Variants in CC2D1A observed in about 807,000 individuals in gnomAD.
The protein encoded by CC2D1A is coiled-coil and C2 domain containing 1A.
In CC2D1A, 68 loss-of-function variants were observed where a neutral mutation model predicts 123.8. The ratio of observed to expected loss-of-function variants is 0.55; its 90% confidence interval spans 0.45 to 0.67. The LOEUF (loss-of-function observed/expected upper bound fraction) is 0.67. Ranked by LOEUF, CC2D1A falls within the 30% of genes least tolerant of loss-of-function variation. The probability of loss-of-function intolerance (pLI) is 0.00; values close to 1 mark genes in which losing one functional copy is unlikely to be tolerated. For synonymous variants in CC2D1A, 477 were observed against 528.0 expected, an observed-to-expected ratio of 0.90 and a Z score of 1.32; for missense variants, 1,185 against 1,290.3, an observed-to-expected ratio of 0.92 and a Z score of 1.25.
chr19:13,925,933 AAT>A (rs1210738190), intron 17 of CC2D1A, among the ~76,000 whole-genome samples: 4,376 of 90,802 alleles, frequency 0.048, 223 homozygotes, highest in East Asian at 0.092. Flanking sequence ...AAAAAAAAAA[AAT>A]ATATATATAT....
In CC2D1A at chr19:13,930,463, A is replaced by G; in HGVS notation, c.*68A>G. The stretch of plus-strand genomic sequence containing the variant: ...CCCCGATACCGGGAAGAGCCGACAC[A>G]GCCACGAACCAGACAAGCAGACAAT... On this transcript the variant is annotated 3_prime_UTR_variant, in exon 29 of 29. Coordinates refer to ENST00000318003, the MANE Select transcript of CC2D1A (RefSeq NM_017721.5). This position sits in a 1 kb window ranked among gnomAD's most constrained non-coding sequence, Gnocchi z 6.8. 6.7e-7 allele frequency: 1 copy of G among 1,488,148 alleles called. No homozygotes were observed. The highest frequency in any genetic ancestry group is 9.0e-7 in the Non-Finnish European group (1 of 1,110,374). The allele number at this position is 1,488,148 out of a possible 1,614,324, so 92.2% of individuals were successfully genotyped here.
chr19:13,928,288 C>A, intron 24 of CC2D1A, 100 bp downstream of exon 24: 1 of 1,014,260 alleles, frequency 9.9e-7, no homozygotes, highest in Non-Finnish European at 1.5e-6. Flanking sequence ...CCACGTCCCT[C>A]TCCTGCTGCA....
At position 13,922,104 on chromosome 19, in the gene CC2D1A, C is replaced by T. The variant is rs540478666; in HGVS notation, c.1641+1182C>T. Among the ~76,000 whole-genome samples the T allele has an allele frequency of 9.2e-5, 14 of 152,198 alleles. No homozygotes were observed. The South Asian group carries it at 1.0e-3, about 11-fold the overall frequency. Reference sequence around the variant, plus strand: ...GCAACCTCTACCTCCCAGGCTCAAGCGATTCTCCTGCCTTAGCCTCCCGAG... The same window carrying T: ...GCAACCTCTACCTCCCAGGCTCAAGTGATTCTCCTGCCTTAGCCTCCCGAG... On this transcript the variant is annotated intron_variant, in intron 14 of 28. Transcript: ENST00000318003.
Position 13,919,827 on chromosome 19 carries a change from C to G in CC2D1A, c.1232C>G (p.Pro411Arg), listed in dbSNP as rs769189689. ...AELPVPPGFPPIQGLEATKPT... is the reference protein window; with the variant it reads ...AELPVPPGFPRIQGLEATKPT... ...TCGACTGGCCACCCAGGCTTCCCCC[C>G]AATCCAGGGCCTGGAGGCCACCAAG... Residue 411 changes from proline (P) to arginine (R), a missense_variant, in exon 12 of 29, where the codon CCA (proline) becomes CGA (arginine). Coordinates refer to ENST00000318003, the MANE Select transcript of CC2D1A (RefSeq NM_017721.5). 3 of 1,602,320 alleles carry G rather than the reference C, an allele frequency of 1.9e-6. No homozygotes were observed. Among genetic ancestry groups the G allele is most frequent in the Non-Finnish European group, 2.6e-6 (3 of 1,172,348 alleles).
chr19:13,921,314 G>C (rs1245332497), intron 14 of CC2D1A, among the ~76,000 whole-genome samples: 2 of 151,790 alleles, frequency 1.3e-5, no homozygotes, highest in African/African-American at 2.4e-5. Flanking sequence ...AAGTAACATG[G>C]CCACATTTAG....
chr19:13,908,286 A>G, intron 1 of CC2D1A, among the ~76,000 whole-genome samples: 1 of 150,912 alleles, frequency 6.6e-6, no homozygotes, highest in East Asian at 1.9e-4. Flanking sequence ...CTGGGGTTAC[A>G]GGCGTGAGCC....
intron 12 of CC2D1A, chr19:13,920,284 G>T: frequency 5.7e-6 from 3 of 523,604 alleles, no homozygotes; most frequent in Non-Finnish European, 9.9e-6. Context: ...AGTGTTTGGT[G>T]AGAATTGCTT....
rs781249497 is a variant in CC2D1A, at chr19:13,919,877, G to A, written c.1282G>A (p.Val428Ile). 1.4e-5 allele frequency: 22 copies of A among 1,613,000 alleles called. 1 individual carries two copies. Among genetic ancestry groups the A allele is most frequent in the Admixed American group, 3.3e-5 (2 of 59,960 alleles). The part of the protein sequence containing the change: ...TKPTQQSLVG[V>I]LETAMKLANQ... ...GCCCACCCAGCAGAGTCTGGTGGGT[G>A]TCCTGGAGACTGCCATGAAGCTGGC... The change falls in exon 12 of 29, where the codon GTC becomes ATC. Residue 428 changes from valine (V) to isoleucine (I), a missense_variant. Physicochemically the swap from Val to Ile is conservative, Grantham distance 29. Transcript: ENST00000318003.
At chr19:13,910,262 G>A (rs979971506) in intron 2 of CC2D1A, among the ~76,000 whole-genome samples, 2 of 150,910 alleles carry the variant, frequency 1.3e-5, no homozygotes, top group Admixed American at 1.3e-4. Flanking sequence ...AAAAAAATTA[G>A]CCGGGCGTGG....
chr19:13,913,111 TA>T, intron 4 of CC2D1A, 56 bp from the exon 5 acceptor site: 1 of 1,505,248 alleles, frequency 6.6e-7, no homozygotes, highest in South Asian at 1.3e-5. Flanking sequence ...CAGAAGGGGC[TA>T]ACAGGGGCAT....
chr19:13,929,522 T>C lies in CC2D1A; in HGVS notation c.2584-12T>C, dbSNP rs778894489. 1.9e-6 allele frequency: 3 copies of C among 1,612,118 alleles called. No homozygotes were observed. Among genetic ancestry groups the C allele is most frequent in the Non-Finnish European group, 2.5e-6 (3 of 1,179,838 alleles). On this transcript the variant is annotated splice_polypyrimidine_tract_variant and intron_variant, in intron 25 of 28. Transcript: ENST00000318003. ...CAGGCAGGATCCTCACAGGACCCTC[T>C]GTATCCTCTAGATCCTGGCCCTCAG... is the stretch of plus-strand genomic sequence containing the variant.
intron 17 of CC2D1A, among the ~76,000 whole-genome samples, chr19:13,924,422 G>A (rs1009478172): frequency 2.0e-5 from 3 of 151,876 alleles, no homozygotes; most frequent in Admixed American, 1.3e-4. Context: ...CGCCCACCTC[G>A]GCCTCCCAAA....
intron 24 of CC2D1A, 109 bp downstream of exon 24, chr19:13,928,297 C>G: frequency 4.3e-6 from 4 of 925,368 alleles, no homozygotes; most frequent in Non-Finnish European, 6.6e-6. Flanking sequence ...TCTCCTGCTG[C>G]AAAACCTTTC....
chr19:13,916,379 A>G (rs1971208433), intron 6 of CC2D1A, among the ~76,000 whole-genome samples: 1 of 152,064 alleles, frequency 6.6e-6, no homozygotes, highest in Non-Finnish European at 1.5e-5. Flanking sequence ...TGTCTGGGCA[A>G]CATAGGGAAA....
chr19:13,908,899 C>T (rs551133334), intron 1 of CC2D1A, among the ~76,000 whole-genome samples: 42 of 152,004 alleles, frequency 2.8e-4, no homozygotes, highest in Admixed American at 1.7e-3. Flanking sequence ...TCCTTCCTCC[C>T]TCCCTCTCTC....
rs1329670390 is a variant in CC2D1A at position 13,918,777 on chromosome 19, G to A, written c.978G>A (p.Pro326=). 4 of 1,613,150 alleles carry A rather than the reference G, an allele frequency of 2.5e-6. No individual in the cohort carries two copies. The highest frequency in any genetic ancestry group is 3.4e-6 in the Non-Finnish European group (4 of 1,179,698). ...TGCCCCCAGACCCACCGTCACCACC[G>A]TCGCAGCCTCCGACCCCCGCTACGG... is the stretch of plus-strand genomic sequence containing the variant. ...DQLPPDPPSP[P]SQPPTPATAP... Residue 326 remains proline, a synonymous_variant, in exon 9 of 29, where the codon CCG becomes CCA. Coordinates refer to ENST00000318003, the MANE Select transcript of CC2D1A (RefSeq NM_017721.5).
intron 10 of CC2D1A, 31 bp downstream of exon 10, chr19:13,919,073 G>T (rs202234854): frequency 1.2e-6 from 2 of 1,602,520 alleles, no homozygotes; most frequent in Non-Finnish European, 1.7e-6. Context: ...GAGGTGGGGC[G>T]AGTGGGCAGC....
At chr19:13,925,934 ATATATATAT>A (rs1282700684) in intron 17 of CC2D1A, among the ~76,000 whole-genome samples, 1 of 66,146 alleles carries the variant, frequency 1.5e-5, no homozygotes, top group African/African-American at 8.7e-5. Context: ...AAAAAAAAAA[ATATATATAT>A]ATATATATAT....
At chr19:13,929,710 C>G in intron 26 of CC2D1A, 50 bp downstream of exon 26, 1 of 1,113,300 alleles carries the variant, frequency 9.0e-7, no homozygotes, top group Admixed American at 2.8e-5. Flanking sequence ...CCAGGATAGG[C>G]ATGGGGGGGG....
Sources: allele counts gnomAD v4.1 joint callset (sites outside exome capture counted in the v4.1 genomes callset), GRCh38; gene constraint gnomAD v4.1.1; non-coding constraint Gnocchi (gnomAD v3.1); transcripts MANE v1.5; gene names NCBI Gene and HGNC (gene_info 2026-07-23, HGNC 2026-07-21).